The following VTI1A variants were observed in gnomAD, a reference collection of about 807,000 sequenced individuals.
VTI1A encodes the protein vesicle transport through interaction with t-SNAREs 1A.
In VTI1A, 22 loss-of-function variants were observed where a neutral mutation model predicts 34.9. That is an observed-to-expected ratio of 0.63 (90% CI 0.45 to 0.90). The LOEUF (loss-of-function observed/expected upper bound fraction) is 0.90. Among genes scored for constraint, VTI1A ranks in the 40% least tolerant of loss-of-function variants. VTI1A has a pLI of 0.00. For synonymous variants in VTI1A, 87 were observed against 97.3 expected, an observed-to-expected ratio of 0.89 and a Z score of 0.62; for missense variants, 268 against 275.6, an observed-to-expected ratio of 0.97 and a Z score of 0.20.
At chr10:112,496,842 T>A (rs1849042910) in intron 3 of VTI1A, among the ~76,000 whole-genome samples, 1 of 152,102 alleles carries the variant, frequency 6.6e-6, no homozygotes, top group Non-Finnish European at 1.5e-5. Context: ...TCAGCAGAGT[T>A]TTTTTTATAC....
At chr10:112,709,933 C>A (rs529584878) in intron 7 of VTI1A, among the ~76,000 whole-genome samples, 42 of 148,274 alleles carry the variant, frequency 2.8e-4, no homozygotes, top group Non-Finnish European at 4.9e-4. Flanking sequence ...TCAAGCAATC[C>A]ACCTGCCTCG....
intron 5 of VTI1A, among the ~76,000 whole-genome samples, chr10:112,569,170 TG>T (rs1020124841): frequency 2.0e-5 from 3 of 151,218 alleles, no homozygotes; most frequent in African/African-American, 7.3e-5. Flanking sequence ...AAAAAAGCTA[TG>T]GGAAAAAAGG....
chr10:112,849,002 C>T, the VTI1A span, among the ~76,000 whole-genome samples: 1 of 152,168 alleles, frequency 6.6e-6, no homozygotes, highest in African/African-American at 2.4e-5. Flanking sequence ...CCAACATGCA[C>T]ACATATTGAT....
chr10:112,496,678 A>G (rs1024991280), intron 3 of VTI1A, among the ~76,000 whole-genome samples: 8 of 152,330 alleles, frequency 5.3e-5, no homozygotes, highest in South Asian at 2.1e-4. Context: ...TCAGTAACTC[A>G]TTCAAATACT....
At chr10:112,655,134 C>G (rs1219942098) in intron 5 of VTI1A, among the ~76,000 whole-genome samples, 1 of 152,188 alleles carries the variant, frequency 6.6e-6, no homozygotes, top group Non-Finnish European at 1.5e-5. Context: ...TCTTGTCCCT[C>G]CACCCCCCAT....
intron 5 of VTI1A, among the ~76,000 whole-genome samples, chr10:112,541,027 T>C (rs577201554): frequency 2.3e-4 from 35 of 152,244 alleles, no homozygotes; most frequent in Non-Finnish European, 4.6e-4. Flanking sequence ...AAACATATTT[T>C]ATTAATTCAC....
At chr10:112,762,217 T>C (rs562884729) in intron 7 of VTI1A, among the ~76,000 whole-genome samples, 1 of 152,320 alleles carries the variant, frequency 6.6e-6, no homozygotes, top group African/African-American at 2.4e-5. Flanking sequence ...TTCTCTGCAG[T>C]TGGGCTCATA....
chr10:112,780,273 AAAATAAATAAATAAATAAATAAATAAAT>A (rs143844379), intron 7 of VTI1A, among the ~76,000 whole-genome samples: 9 of 138,274 alleles, frequency 6.5e-5, no homozygotes, highest in Non-Finnish European at 7.7e-5. Context: ...CCTGTCTCTA[AAAATAAATAAATAAATAAATAAATAAAT>A]AAATAAATAA....
At chr10:112,543,997 G>A (rs1850971911) in intron 5 of VTI1A, among the ~76,000 whole-genome samples, 1 of 152,054 alleles carries the variant, frequency 6.6e-6, no homozygotes, top group Non-Finnish European at 1.5e-5. Context: ...GTAGATGTGT[G>A]GTATTATTTC....
intron 5 of VTI1A, among the ~76,000 whole-genome samples, chr10:112,608,113 G>A (rs954671866): frequency 5.3e-5 from 8 of 152,146 alleles, no homozygotes; most frequent in Admixed American, 4.6e-4. Context: ...GGCTACCACA[G>A]AACTCTACTG....
chr10:112,714,610 G>A (rs1489312394), intron 7 of VTI1A, among the ~76,000 whole-genome samples: 1 of 152,196 alleles, frequency 6.6e-6, no homozygotes, highest in East Asian at 1.9e-4. Flanking sequence ...GTAGTCATCA[G>A]ACCTGTGATT....
At chr10:112,548,114 A>C (rs1245838554) in intron 5 of VTI1A, among the ~76,000 whole-genome samples, 1 of 152,134 alleles carries the variant, frequency 6.6e-6, no homozygotes, top group Non-Finnish European at 1.5e-5. Flanking sequence ...AGTTTTCCTA[A>C]GTCGTCTCAT....
chr10:112,742,981 C>A (rs1850746180), intron 7 of VTI1A, among the ~76,000 whole-genome samples: 1 of 148,944 alleles, frequency 6.7e-6, no homozygotes, highest in African/African-American at 2.5e-5. Context: ...AGGAGATTTG[C>A]TAATGTTGTT....
chr10:112,447,253 G>C lies in VTI1A; in HGVS notation c.-121G>C. The C allele has an allele frequency of 9.5e-7, 1 of 1,055,312 alleles. No individual in the cohort carries two copies. Among genetic ancestry groups the C allele is most frequent in the Non-Finnish European group, 1.4e-6 (1 of 729,492 alleles). The allele number at this position is 1,055,312 out of a possible 1,614,324, so 65.4% of individuals were successfully genotyped here. Reference sequence around the variant, plus strand: ...GCGGCTGGGTTGAGAGCTGTCCCCGGTTCTCCGTTCTGCTCTCGGGGGCAC... The same window carrying C: ...GCGGCTGGGTTGAGAGCTGTCCCCGCTTCTCCGTTCTGCTCTCGGGGGCAC... On this transcript the variant is annotated 5_prime_UTR_variant, in exon 1 of 8. Transcript: ENST00000393077.
intron 1 of VTI1A, among the ~76,000 whole-genome samples, chr10:112,454,745 A>G (rs1406917845): frequency 6.6e-6 from 1 of 151,312 alleles, no homozygotes; most frequent in Non-Finnish European, 1.5e-5. Context: ...GACTGTTTAT[A>G]TATTAAATAG....
chr10:112,463,152 T>G (rs1252253739), intron 2 of VTI1A, among the ~76,000 whole-genome samples: 1 of 152,144 alleles, frequency 6.6e-6, no homozygotes, highest in South Asian at 2.1e-4. Flanking sequence ...CTCAAACTCC[T>G]GACCTCAGGT....
At chr10:112,581,706 T>C (rs1325044301) in intron 5 of VTI1A, among the ~76,000 whole-genome samples, 1 of 152,212 alleles carries the variant, frequency 6.6e-6, no homozygotes, top group Non-Finnish European at 1.5e-5. Flanking sequence ...AGCATTCCTG[T>C]TAGCAAATAG....
chr10:112,821,449 TG>T (rs1853653477), downstream of VTI1A, among the ~76,000 whole-genome samples: 2 of 152,322 alleles, frequency 1.3e-5, no homozygotes, highest in South Asian at 4.1e-4. Flanking sequence ...TCACTTATTT[TG>T]CCAGGGTAAG....
intron 7 of VTI1A, among the ~76,000 whole-genome samples, chr10:112,733,768 ATTT>A (rs1850357134): frequency 6.6e-6 from 1 of 150,528 alleles, no homozygotes; most frequent in Non-Finnish European, 1.5e-5. Flanking sequence ...ATTTTATTTT[ATTT>A]TAAGAGAGAG....
Sources: gnomAD v4.1 joint callset for allele counts (sites outside exome capture counted in the v4.1 genomes callset) on GRCh38, gnomAD v4.1.1 for gene constraint, MANE v1.5 for transcripts, NCBI Gene and HGNC (gene_info 2026-07-23, HGNC 2026-07-21) for gene names.